The following DGKB variants were observed in gnomAD, a reference collection of about 807,000 sequenced individuals.
DGKB encodes the protein diacylglycerol kinase beta.
DGKB carries 67 observed loss-of-function variants against 114.3 expected under a neutral mutation model. The ratio of observed to expected loss-of-function variants is 0.59; its 90% CI spans 0.48 to 0.72. The LOEUF (loss-of-function observed/expected upper bound fraction) is 0.72. Ranked by LOEUF, DGKB falls within the 30% of genes least tolerant of loss-of-function variation. DGKB has a pLI of 0.00. For synonymous variants in DGKB, 398 were observed against 323.1 expected (o/e 1.23, Z -2.49); for missense variants, 907 against 975.2 (o/e 0.93, Z 0.93).
chr7:14,552,647 A>C (rs759190251), intron 20 of DGKB, among the ~76,000 whole-genome samples: 1 of 152,204 alleles, frequency 6.6e-6, no homozygotes, highest in Non-Finnish European at 1.5e-5. Flanking sequence ...GTTTAAAAAG[A>C]CTTAAAATAA....
chr7:14,582,708 A>C (rs17595206), intron 18 of DGKB, among the ~76,000 whole-genome samples: 53,488 of 151,822 alleles, frequency 0.35, 10,119 homozygotes, highest in East Asian at 0.68. Flanking sequence ...AAGCACATCA[A>C]TTTCGCACAG....
chr7:14,261,675 A>T (rs1796797961), intron 23 of DGKB, among the ~76,000 whole-genome samples: 1 of 152,200 alleles, frequency 6.6e-6, no homozygotes, highest in South Asian at 2.1e-4. Flanking sequence ...TCTTGCTTAA[A>T]ATGGATATAG....
intron 20 of DGKB, among the ~76,000 whole-genome samples, chr7:14,503,194 T>C (rs1786476472): frequency 1.3e-5 from 2 of 152,136 alleles, no homozygotes; most frequent in African/African-American, 2.4e-5. Context: ...TACTGCTGAA[T>C]CTACCTGATA....
Position 14,715,669 on chromosome 7 carries a change from T to A in DGKB, c.466+2873A>T, listed in dbSNP as rs73680199. ...CATAAAGGAAATAAAGCTGAAGACA[T>A]GGCTTATATGGTAAGTCCTCAATAT... On this transcript the variant is annotated intron_variant, in intron 6 of 25. Transcript: ENST00000402815. 9.6e-3 allele frequency among the ~76,000 whole-genome samples: 1,467 copies of A among 152,244 alleles called. 24 individuals are homozygous for A. Among genetic ancestry groups the A allele is most frequent in the African/African-American group, 0.034 (1,411 of 41,544 alleles).
intron 23 of DGKB, among the ~76,000 whole-genome samples, chr7:14,214,829 A>G (rs1217286117): frequency 6.6e-6 from 1 of 152,154 alleles, no homozygotes; most frequent in Non-Finnish European, 1.5e-5. Flanking sequence ...TTTCAAATGA[A>G]TAAGACTAAG....
At chr7:14,412,220 T>C (rs1456462401) in intron 21 of DGKB, among the ~76,000 whole-genome samples, 1 of 152,220 alleles carries the variant, frequency 6.6e-6, no homozygotes, top group Non-Finnish European at 1.5e-5. Context: ...GATACCATAC[T>C]AACTTCTGGT....
chr7:14,561,998 T>C (rs2128672464), intron 20 of DGKB, among the ~76,000 whole-genome samples: 1 of 152,264 alleles, frequency 6.6e-6, no homozygotes, highest in African/African-American at 2.4e-5. Flanking sequence ...AAAATGGTTT[T>C]ATGGGCTGGG....
In DGKB at chr7:14,291,225, G is replaced by A. The variant is rs192699242; in HGVS notation, c.2122+47290C>T. Among the ~76,000 whole-genome samples the A allele has an allele frequency of 1.5e-4, 23 of 151,894 alleles. 1 individual carries two copies. The highest frequency in any genetic ancestry group is 4.2e-4 in the South Asian group (2 of 4,800). ...GACGTAAGTAAGGCCAAGTACAATGGCCATGAACAGCAGATCCATGGTGCT... is the reference window on the plus strand; with the variant it reads ...GACGTAAGTAAGGCCAAGTACAATGACCATGAACAGCAGATCCATGGTGCT... On this transcript the variant is annotated intron_variant, in intron 23 of 25. Transcript: ENST00000402815.
chr7:14,234,019 A>G (rs1297015055), intron 23 of DGKB, among the ~76,000 whole-genome samples: 1 of 152,100 alleles, frequency 6.6e-6, no homozygotes, highest in Non-Finnish European at 1.5e-5. Flanking sequence ...CCTGGAAGGC[A>G]TGGTATCTTT....
intron 20 of DGKB, among the ~76,000 whole-genome samples, chr7:14,497,503 C>T (rs573594137): frequency 2.0e-5 from 3 of 151,866 alleles, no homozygotes; most frequent in East Asian, 1.9e-4. Flanking sequence ...CCTTCCTTAG[C>T]TCTATGTTCC....
At chr7:14,492,691 A>G (rs1472579152) in intron 20 of DGKB, among the ~76,000 whole-genome samples, 1 of 152,054 alleles carries the variant, frequency 6.6e-6, no homozygotes, top group East Asian at 1.9e-4. Context: ...CCTTTATGCC[A>G]CCATAAAGTA....
intron 23 of DGKB, among the ~76,000 whole-genome samples, chr7:14,283,212 A>G (rs1244693031): frequency 6.6e-6 from 1 of 151,652 alleles, no homozygotes; most frequent in Non-Finnish European, 1.5e-5. Flanking sequence ...ATTCCTATAC[A>G]CCAACCACAG....
chr7:14,273,329 G>T (rs1798531124), intron 23 of DGKB, among the ~76,000 whole-genome samples: 1 of 152,086 alleles, frequency 6.6e-6, no homozygotes, highest in South Asian at 2.1e-4. Context: ...TTGGGTGACA[G>T]AGCTAGACCC....
intron 15 of DGKB, among the ~76,000 whole-genome samples, chr7:14,620,536 T>A (rs1233460670): frequency 1.3e-5 from 2 of 151,764 alleles, no homozygotes; most frequent in African/African-American, 4.8e-5. Flanking sequence ...TGTGACATAC[T>A]GTTTGTATGT....
upstream of DGKB, among the ~76,000 whole-genome samples, chr7:14,906,645 G>T (rs563036892): frequency 2.6e-5 from 4 of 151,922 alleles, no homozygotes; most frequent in East Asian, 7.8e-4. Flanking sequence ...TGGAGACAGG[G>T]TTTCACCATG....
At chr7:14,166,158 TA>T (rs1784581230) in intron 25 of DGKB, among the ~76,000 whole-genome samples, 1 of 152,232 alleles carries the variant, frequency 6.6e-6, no homozygotes, top group Non-Finnish European at 1.5e-5. Flanking sequence ...CAATGTAATT[TA>T]AAAAAGAAAA....
intron 23 of DGKB, among the ~76,000 whole-genome samples, chr7:14,313,415 C>T (rs1041000594): frequency 1.4e-3 from 209 of 152,108 alleles, no homozygotes; most frequent in Non-Finnish European, 2.1e-3. Context: ...AGTGGGTGTG[C>T]GCACAGTGCG....
intron 2 of DGKB, among the ~76,000 whole-genome samples, chr7:14,840,659 C>T (rs1406244364): frequency 6.6e-6 from 1 of 150,706 alleles, no homozygotes; most frequent in Non-Finnish European, 1.5e-5. Flanking sequence ...GATTCTAATT[C>T]CATAATGTAT....
intron 13 of DGKB, among the ~76,000 whole-genome samples, chr7:14,647,554 T>C (rs1009158123): frequency 3.9e-5 from 6 of 152,170 alleles, no homozygotes; most frequent in Admixed American, 3.9e-4. Context: ...CCAATATCCC[T>C]GATGAATATG....
Sources: allele counts gnomAD v4.1 joint callset (sites outside exome capture counted in the v4.1 genomes callset), GRCh38; gene constraint gnomAD v4.1.1; transcripts MANE v1.5; gene names NCBI Gene and HGNC (gene_info 2026-07-23, HGNC 2026-07-21).